GOLGA2: variants seen among roughly 807,000 people sequenced by gnomAD.
The protein encoded by GOLGA2 is golgin subfamily A member 2.
In GOLGA2, 49 loss-of-function variants were observed where a neutral mutation model predicts 148.8. The ratio of observed to expected loss-of-function variants is 0.33; its 90% CI spans 0.26 to 0.42. The LOEUF (loss-of-function observed/expected upper bound fraction) is 0.42. Among genes scored for constraint, GOLGA2 ranks in the 10% least tolerant of loss-of-function variants. GOLGA2 has a pLI of 1.00. For synonymous variants in GOLGA2, 501 were observed against 511.8 expected (o/e 0.98, Z 0.28); for missense variants, 1,178 against 1,304.6 (o/e 0.90, Z 1.49).
chr9:128,256,966 A>G lies in GOLGA2; in HGVS notation c.*101T>C, dbSNP rs967314885. The G allele has an allele frequency of 1.2e-6, 1 of 857,248 alleles. No individual in the cohort carries two copies. Among genetic ancestry groups the G allele is most frequent in the Non-Finnish European group, 1.9e-6 (1 of 526,686 alleles). The allele number at this position is 857,248 out of a possible 1,614,324, so 53.1% of individuals were successfully genotyped here. Reference sequence around the variant, plus strand: ...CGTTAGACAGGGGTCTATGCTTGCTACTGTAAGGGTAAAGGGTTGACTGAG... The same window carrying G: ...CGTTAGACAGGGGTCTATGCTTGCTGCTGTAAGGGTAAAGGGTTGACTGAG... On this transcript the variant is annotated 3_prime_UTR_variant, in exon 27 of 27. Coordinates refer to ENST00000611957, the MANE Select transcript of GOLGA2 (RefSeq NM_001366244.2).
Position 128,266,066 on chromosome 9 carries a change from C to G in GOLGA2, c.682-46G>C, listed in dbSNP as rs186315970. 3.3e-6 allele frequency: 5 copies of G among 1,535,354 alleles called. No individual in the cohort carries two copies. In the African/African-American group the frequency reaches 6.8e-5, roughly 21 times the overall value. ...AGCTCTTACGAGGGGGAGGCAGAGA[C>G]GGCACAGCAAGGGACATGCCCCCAG... On this transcript the variant is annotated intron_variant, in intron 9 of 26. Transcript: ENST00000611957. The surrounding 1 kb of genome is among the most constrained non-coding windows in gnomAD (Gnocchi z 4.2).
In GOLGA2 at chr9:128,273,983, G is replaced by C; in HGVS notation, c.85-11C>G. On this transcript the variant is annotated splice_polypyrimidine_tract_variant and intron_variant, in intron 1 of 26. Coordinates refer to ENST00000611957, the MANE Select transcript of GOLGA2 (RefSeq NM_001366244.2). ...CTGATATTCTCTCAACTGTGGAAAAGAAGAGCAATAATATTCATGAGATCT... is the reference window on the plus strand; with the variant it reads ...CTGATATTCTCTCAACTGTGGAAAACAAGAGCAATAATATTCATGAGATCT... 2 of 1,609,368 alleles carry C rather than the reference G, an allele frequency of 1.2e-6. No homozygotes were observed. The highest frequency in any genetic ancestry group is 4.5e-5 in the East Asian group (2 of 44,814).
Position 128,260,485 on chromosome 9 carries a change from G to T in GOLGA2, c.1738C>A (p.Gln580Lys). 1 of 1,611,466 alleles carries T rather than the reference G, an allele frequency of 6.2e-7. No homozygotes were observed. ...CGCACCAGCTTTACAAATCCGCTCT[G>T]CAGCTCAGCCAGCTGCTCCTTGAGC... Reference protein sequence around the residue: ...RELKEQLAELQSGFVKLTNEN... With the variant: ...RELKEQLAELKSGFVKLTNEN... The change falls in exon 18 of 27, where the codon CAG (glutamine) becomes AAG (lysine). Residue 580 changes from glutamine (Q) to lysine (K), a missense_variant. By Grantham distance (53) the Gln-to-Lys change is moderately conservative (BLOSUM62 1). Around this residue, in one of 5 missense-constraint regions of GOLGA2, gnomAD observed 529 missense variants for 521.8 expected, o/e 1.01. Transcript: ENST00000611957. This position sits in a 1 kb window ranked among gnomAD's most constrained non-coding sequence, Gnocchi z 4.8.
Position 128,257,426 on chromosome 9 carries a change from C to T in GOLGA2, c.2818G>A (p.Glu940Lys). 1.9e-6 allele frequency: 3 copies of T among 1,613,022 alleles called. No individual in the cohort carries two copies. The highest frequency in any genetic ancestry group is 4.5e-5 in the East Asian group (2 of 44,870). Residue 940 changes from glutamate to lysine, a missense_variant, in exon 26 of 27, where the codon GAG (glutamate) becomes AAG (lysine). Physicochemically the swap from Glu to Lys is moderately conservative, Grantham distance 56. Around this residue, in one of 5 missense-constraint regions of GOLGA2, gnomAD observed 149 missense variants for 154.9 expected, o/e 0.96. Transcript: ENST00000611957. This position sits in a 1 kb window ranked among gnomAD's most constrained non-coding sequence, Gnocchi z 8.0. ...FLAAAQNPAD[E>K]PTSGAPAPQE... ...GGGGCTGGGGCCCCTGAAGTGGGCT[C>T]ATCAGCAGGGTTCTGGGCAGCTGCC... is the stretch of plus-strand genomic sequence containing the variant.
Position 128,257,436 on chromosome 9 carries a change from G to C in GOLGA2, c.2808C>G (p.Asn936Lys). 1.9e-6 allele frequency: 3 copies of C among 1,612,958 alleles called. No individual in the cohort carries two copies. The highest frequency in any genetic ancestry group is 1.9e-4 in the Middle Eastern group (1 of 5,200). Residue 936 changes from asparagine to lysine, a missense_variant, in exon 26 of 27, where the codon AAC (asparagine) becomes AAG (lysine). By Grantham distance (94) the Asn-to-Lys change is moderately conservative. Around this residue, in one of 5 missense-constraint regions of GOLGA2, gnomAD observed 149 missense variants for 154.9 expected, o/e 0.96. Coordinates refer to ENST00000611957, the MANE Select transcript of GOLGA2 (RefSeq NM_001366244.2). The surrounding 1 kb of genome is among the most constrained non-coding windows in gnomAD (Gnocchi z 8.0). ...CCCCTGAAGTGGGCTCATCAGCAGG[G>C]TTCTGGGCAGCTGCCAGGAATCTGC... The part of the protein sequence containing the change: ...WHGRFLAAAQ[N>K]PADEPTSGAP...
intron 6 of GOLGA2, 99 bp downstream of exon 6, chr9:128,267,835 T>G: frequency 1.0e-6 from 1 of 967,706 alleles, no homozygotes. Context: ...GCACATTGGC[T>G]GGTCCCAGGA....
chr9:128,260,823 T>C lies in GOLGA2; in HGVS notation c.1421-21A>G. 6.6e-7 allele frequency: 1 copy of C among 1,522,474 alleles called. No individual in the cohort carries two copies. The highest frequency in any genetic ancestry group is 9.0e-7 in the Non-Finnish European group (1 of 1,115,422). The allele number at this position is 1,522,474 out of a possible 1,614,324, so 94.3% of individuals were successfully genotyped here. On this transcript the variant is annotated intron_variant, in intron 17 of 26. Coordinates refer to ENST00000611957, the MANE Select transcript of GOLGA2 (RefSeq NM_001366244.2). This position sits in a 1 kb window ranked among gnomAD's most constrained non-coding sequence, Gnocchi z 4.8. ...TTCAGCTGAGAAAGGACGCAGACAATAAAAGCCTCTGGATTCTCAAAAAAA... is the reference window on the plus strand; with the variant it reads ...TTCAGCTGAGAAAGGACGCAGACAACAAAAGCCTCTGGATTCTCAAAAAAA...
Position 128,256,949 on chromosome 9 carries a change from A to C in GOLGA2, c.*118T>G. 4.1e-6 allele frequency: 3 copies of C among 738,614 alleles called. No individual in the cohort carries two copies. Among genetic ancestry groups the C allele is most frequent in the Non-Finnish European group, 4.7e-6 (2 of 429,442 alleles). 45.8% of individuals were successfully genotyped at this position (738,614 alleles called of 1,614,324 possible). On this transcript the variant is annotated 3_prime_UTR_variant, in exon 27 of 27. Coordinates refer to ENST00000611957, the MANE Select transcript of GOLGA2 (RefSeq NM_001366244.2). ...CTGCACCTGTCTACCCCCGTTAGAC[A>C]GGGGTCTATGCTTGCTACTGTAAGG... is the stretch of plus-strand genomic sequence containing the variant.
rs1830941554 is a variant in GOLGA2 at position 128,271,451 on chromosome 9, G to T, written c.288+1334C>A. ...GGCTTGGCAGGAAGGAGTCCCCCAG[G>T]TGAGTTAGAGATGGAAGAAATGCCA... On this transcript the variant is annotated intron_variant, in intron 3 of 26. Coordinates refer to ENST00000611957, the MANE Select transcript of GOLGA2 (RefSeq NM_001366244.2). This position sits in a 1 kb window ranked among gnomAD's most constrained non-coding sequence, Gnocchi z 4.4. 6.6e-6 allele frequency among the ~76,000 whole-genome samples: 1 copy of T among 152,204 alleles called. No individual in the cohort carries two copies. Among genetic ancestry groups the T allele is most frequent in the South Asian group, 2.1e-4 (1 of 4,828 alleles).
chr9:128,266,047 T>G lies in GOLGA2; in HGVS notation c.682-27A>C. 3.1e-6 allele frequency: 5 copies of G among 1,596,176 alleles called. No homozygotes were observed. The highest frequency in any genetic ancestry group is 4.3e-6 in the Non-Finnish European group (5 of 1,163,718). On this transcript the variant is annotated intron_variant, in intron 9 of 26. Transcript: ENST00000611957. The surrounding 1 kb of genome is among the most constrained non-coding windows in gnomAD (Gnocchi z 4.2). ...TATAGGAAGAGGAAGACAGAGCTCT[T>G]ACGAGGGGGAGGCAGAGACGGCACA... is the stretch of plus-strand genomic sequence containing the variant.
chr9:128,262,781 G>A, intron 13 of GOLGA2, 77 bp from the exon 14 acceptor site: 1 of 1,366,772 alleles, frequency 7.3e-7, no homozygotes, highest in Non-Finnish European at 1.0e-6. Flanking sequence ...CTCTACCCTT[G>A]CCCCACAACC....
intron 1 of GOLGA2, 57 bp downstream of exon 1, chr9:128,275,836 C>T: frequency 1.1e-6 from 1 of 906,342 alleles, no homozygotes; most frequent in Non-Finnish European, 1.7e-6. Context: ...GGCCATGGTC[C>T]TGCCATCGGA....
At position 128,258,620 on chromosome 9, in the gene GOLGA2, G is replaced by C; in HGVS notation, c.2174-50C>G. ...TCAGACAACCCAACAAGGGTACAGTGGGCCCACCTCTGCCCCCACCCTCAC... is the reference window on the plus strand; with the variant it reads ...TCAGACAACCCAACAAGGGTACAGTCGGCCCACCTCTGCCCCCACCCTCAC... On this transcript the variant is annotated intron_variant, in intron 21 of 26. Coordinates refer to ENST00000611957, the MANE Select transcript of GOLGA2 (RefSeq NM_001366244.2). This position sits in a 1 kb window ranked among gnomAD's most constrained non-coding sequence, Gnocchi z 6.6. 7.2e-7 allele frequency: 1 copy of C among 1,386,364 alleles called. No individual in the cohort carries two copies. Among genetic ancestry groups the C allele is most frequent in the Admixed American group, 2.0e-5 (1 of 50,030 alleles). 85.9% of individuals were successfully genotyped at this position (1,386,364 alleles called of 1,614,324 possible). A position where few individuals can be genotyped will look rare whatever the true frequency, so the allele number is the denominator to read the frequency against.
In GOLGA2 at chr9:128,258,982, TCTTC is replaced by T. The variant is rs771711482; in HGVS notation, c.2173+21_2173+24del. ...CCCCCTTCTTCCTGGGGCTCTCTCC[TCTTC>T]CTGTGAGCAGGTTCCCGTACCTTCC... On this transcript the variant is annotated intron_variant, in intron 21 of 26. Transcript: ENST00000611957. This position sits in a 1 kb window ranked among gnomAD's most constrained non-coding sequence, Gnocchi z 6.6. The T allele has an allele frequency of 6.9e-7, 1 of 1,454,748 alleles. No individual in the cohort carries two copies. Among genetic ancestry groups the T allele is most frequent in the South Asian group, 1.1e-5 (1 of 88,112 alleles). The allele number at this position is 1,454,748 out of a possible 1,614,324, so 90.1% of individuals were successfully genotyped here. A position where few individuals can be genotyped will look rare whatever the true frequency, so the allele number is the denominator to read the frequency against.
chr9:128,261,406 C>A lies in GOLGA2; in HGVS notation c.1332+48G>T. ...CCATTTCGCAGATGCCCAGAAAGAT[C>A]AAGTGACCTATCTAAGGTTGAGGGG... On this transcript the variant is annotated intron_variant, in intron 16 of 26. Transcript: ENST00000611957. The surrounding 1 kb of genome is among the most constrained non-coding windows in gnomAD (Gnocchi z 5.7). 1 of 1,271,562 alleles carries A rather than the reference C, an allele frequency of 7.9e-7. No individual in the cohort carries two copies. The highest frequency in any genetic ancestry group is 1.2e-5 in the South Asian group (1 of 84,326). The allele number at this position is 1,271,562 out of a possible 1,614,324, so 78.8% of individuals were successfully genotyped here.
chr9:128,263,944 CA>C (rs1354714716), intron 12 of GOLGA2, among the ~76,000 whole-genome samples: 1 of 148,810 alleles, frequency 6.7e-6, no homozygotes, highest in East Asian at 2.1e-4. Context: ...ATTACGAGAT[CA>C]GGGGATCGAG....
chr9:128,258,194 G>A lies in GOLGA2; in HGVS notation c.2294C>T (p.Ala765Val). Residue 765 changes from alanine to valine, a missense_variant, in exon 23 of 27, where the codon GCA (alanine) becomes GTA (valine). Ala to Val is a moderately conservative substitution (Grantham distance 64, BLOSUM62 0). Transcript: ENST00000611957. The surrounding 1 kb of genome is among the most constrained non-coding windows in gnomAD (Gnocchi z 6.6). ...EDLESREAMV[A>V]FFNSAVASAE... is the part of the protein sequence containing the mutation. ...ACTGGCTACAGCTGAGTTGAAAAAT[G>A]CCACCTGCAGGCAAGAGGGGTGCAT... The A allele has an allele frequency of 2.5e-6, 4 of 1,588,020 alleles. No homozygotes were observed. The highest frequency in any genetic ancestry group is 3.4e-6 in the Non-Finnish European group (4 of 1,169,074).
At position 128,259,101 on chromosome 9, in the gene GOLGA2, G is replaced by A; in HGVS notation, c.2098-19C>T. The A allele has an allele frequency of 6.2e-7, 1 of 1,608,270 alleles. No individual in the cohort carries two copies. Among genetic ancestry groups the A allele is most frequent in the Non-Finnish European group, 8.5e-7 (1 of 1,174,892 alleles). On this transcript the variant is annotated intron_variant, in intron 20 of 26. Transcript: ENST00000611957. The stretch of plus-strand genomic sequence containing the variant: ...GGCGCTCCTAAGGGGCCAGAAAAGA[G>A]AGTGAGAAGGCATGGAGGTTGCCAG...
Position 128,261,883 on chromosome 9 carries a change from T to A in GOLGA2, c.1135-126A>T. On this transcript the variant is annotated intron_variant, in intron 14 of 26. Transcript: ENST00000611957. The surrounding 1 kb of genome is among the most constrained non-coding windows in gnomAD (Gnocchi z 5.7). ...CAATACAACTCTGCTGTCAAGTTTC[T>A]TTGCTTTAGAAATAAAAAATAATTT... The A allele has an allele frequency of 1.6e-6, 1 of 641,896 alleles. No individual in the cohort carries two copies. Among genetic ancestry groups the A allele is most frequent in the South Asian group, 1.8e-5 (1 of 54,934 alleles). 39.8% of individuals were successfully genotyped at this position (641,896 alleles called of 1,614,324 possible).
Sources: gnomAD v4.1 joint callset for allele counts (sites outside exome capture counted in the v4.1 genomes callset) on GRCh38, gnomAD v4.1.1 for gene constraint, gnomAD v4.1.1 regional missense constraint, Gnocchi (gnomAD v3.1) non-coding constraint, MANE v1.5 for transcripts, NCBI Gene and HGNC (gene_info 2026-07-23, HGNC 2026-07-21) for gene names.